Variants in MDM1 observed in about 807,000 individuals in gnomAD.
MDM1 encodes Mdm1 nuclear protein.
Under a neutral mutation model 89.1 loss-of-function variants are expected in MDM1, and 61 were observed. The observed-to-expected ratio is 0.68, with a 90% CI of 0.56 to 0.85. The LOEUF (loss-of-function observed/expected upper bound fraction) is 0.85, where lower values mean the gene tolerates loss of function less well. Ranked by LOEUF, MDM1 falls within the 40% of genes least tolerant of loss-of-function variation. MDM1 has a pLI of 0.00. For synonymous variants in MDM1, 290 were observed against 294.1 expected, an observed-to-expected ratio of 0.99 and a Z score of 0.14; for missense variants, 820 against 846.5, an observed-to-expected ratio of 0.97 and a Z score of 0.39.
intron 12 of MDM1, among the ~76,000 whole-genome samples, chr12:68,307,035 C>T (rs1872991085): frequency 1.3e-5 from 2 of 152,132 alleles, no homozygotes; most frequent in African/African-American, 4.8e-5. Context: ...AAATCATGTC[C>T]ACTGCAACAA....
chr12:68,295,409 A>G, intron 14 of MDM1, 43 bp from the exon 15 acceptor site: 1 of 1,174,684 alleles, frequency 8.5e-7, no homozygotes, highest in Non-Finnish European at 1.3e-6. Context: ...TGCCAAAAAT[A>G]TCTATTAAAT....
chr12:68,305,761 A>C (rs1872779395), intron 12 of MDM1, among the ~76,000 whole-genome samples: 1 of 152,144 alleles, frequency 6.6e-6, no homozygotes, highest in Non-Finnish European at 1.5e-5. Flanking sequence ...ACATAAACAA[A>C]TGGAAAAGCA....
chr12:68,296,591 G>A (rs1016250472), intron 14 of MDM1, among the ~76,000 whole-genome samples: 19 of 152,178 alleles, frequency 1.2e-4, no homozygotes, highest in African/African-American at 4.3e-4. Flanking sequence ...AAAATATATA[G>A]GCATTTTTTT....
At position 68,327,078 on chromosome 12, in the gene MDM1, A is replaced by T. The variant is rs1200960734; in HGVS notation, c.134-57T>A. The T allele has an allele frequency of 4.0e-6, 6 of 1,512,220 alleles. No individual in the cohort carries two copies. In the East Asian group the frequency reaches 1.4e-4, roughly 34 times the overall value. The allele number at this position is 1,512,220 out of a possible 1,614,324, so 93.7% of individuals were successfully genotyped here. A position where few individuals can be genotyped will look rare whatever the true frequency, so the allele number is the denominator to read the frequency against. On this transcript the variant is annotated intron_variant, in intron 2 of 14. Transcript: ENST00000682720. The stretch of plus-strand genomic sequence containing the variant: ...ACTAAAGCAAAAAGTTACAAAGACA[A>T]CTTTTAAGAACACTTGTGGAGGAGA...
intron 10 of MDM1, among the ~76,000 whole-genome samples, chr12:68,314,229 T>C (rs1430176832): frequency 6.6e-6 from 1 of 151,384 alleles, no homozygotes; most frequent in East Asian, 1.9e-4. Context: ...CGACTGAAAT[T>C]TCCAATAATG....
chr12:68,302,987 A>ACAAG, intron 12 of MDM1, 115 bp from the exon 13 acceptor site: 3 of 867,518 alleles, frequency 3.5e-6, no homozygotes, highest in Non-Finnish European at 3.3e-6. Flanking sequence ...GAAATATGAG[A>ACAAG]GAATTTATGC....
Position 68,321,642 on chromosome 12 carries a change from C to A in MDM1, c.802-14G>T, listed in dbSNP as rs1875249515. ...TATTTTATTACTCTGAAATGGAAATCATTTAAGCTTTTTATGCTTAAGATG... is the reference window on the plus strand; with the variant it reads ...TATTTTATTACTCTGAAATGGAAATAATTTAAGCTTTTTATGCTTAAGATG... On this transcript the variant is annotated splice_polypyrimidine_tract_variant and intron_variant, in intron 5 of 14. Transcript: ENST00000682720. 6.4e-7 allele frequency: 1 copy of A among 1,554,336 alleles called. No individual in the cohort carries two copies.
chr12:68,325,462 A>G lies in MDM1; in HGVS notation c.612T>C (p.Ala204=). 1 of 1,584,576 alleles carries G rather than the reference A, an allele frequency of 6.3e-7. No homozygotes were observed. The highest frequency in any genetic ancestry group is 8.6e-7 in the Non-Finnish European group (1 of 1,167,550). Residue 204 remains alanine (A), a synonymous_variant, in exon 4 of 15, where the codon GCT becomes GCC. Transcript: ENST00000682720. The stretch of plus-strand genomic sequence containing the variant: ...CTACCTGATTGGCTGCAAAAGCTGG[A>G]GCAGTTTCTTTAGAAGTCTTCCAAA... ...QFVWKTSKET[A]PAFAANQVFH... is the part of the protein sequence containing the mutation.
chr12:68,318,774 T>C (rs1377422836), intron 7 of MDM1, among the ~76,000 whole-genome samples: 6 of 152,210 alleles, frequency 3.9e-5, no homozygotes, highest in Admixed American at 2.6e-4. Context: ...AGTAATGTTA[T>C]CATATTATAT....
rs770645267 is a variant in MDM1 at position 68,314,971 on chromosome 12, A to G, written c.1506T>C (p.Ser502=). The change falls in exon 10 of 15, where the codon TCT becomes TCC. Residue 502 remains serine (S), a synonymous_variant. Coordinates refer to ENST00000682720, the MANE Select transcript of MDM1 (RefSeq NM_001354969.2). ...EQEKLDVREK[S]KADKMKEGSD... ...ACCCTTCTTTCATCTTATCTGCCTTAGATTTCTCACGTACATCCAACTTCT... is the reference window on the plus strand; with the variant it reads ...ACCCTTCTTTCATCTTATCTGCCTTGGATTTCTCACGTACATCCAACTTCT... 3 of 1,613,990 alleles carry G rather than the reference A, an allele frequency of 1.9e-6. No individual in the cohort carries two copies. The Admixed American group carries it at 5.0e-5, about 27-fold the overall frequency.
In MDM1 at chr12:68,325,538, A is replaced by G; in HGVS notation, c.536T>C (p.Val179Ala). Residue 179 changes from valine to alanine, a missense_variant, in exon 4 of 15, where the codon GTT becomes GCT. Physicochemically the swap from Val to Ala is moderately conservative, Grantham distance 64 (BLOSUM62 0). Coordinates refer to ENST00000682720, the MANE Select transcript of MDM1 (RefSeq NM_001354969.2). ...TCTCAAGGCATTATATGAAGGAACAACAGTCAATCCAGCTTTCTTACGCAG... is the reference window on the plus strand; with the variant it reads ...TCTCAAGGCATTATATGAAGGAACAGCAGTCAATCCAGCTTTCTTACGCAG... Reference protein sequence around the residue: ...RLLRKKAGLTVVPSYNALRNS... With the variant: ...RLLRKKAGLTAVPSYNALRNS... 6.3e-7 allele frequency: 1 copy of G among 1,593,712 alleles called. No homozygotes were observed. Among genetic ancestry groups the G allele is most frequent in the Non-Finnish European group, 8.5e-7 (1 of 1,170,778 alleles).
chr12:68,327,325 G>A lies in MDM1; in HGVS notation c.134-304C>T, dbSNP rs537084332. On this transcript the variant is annotated intron_variant, in intron 2 of 14. Coordinates refer to ENST00000682720, the MANE Select transcript of MDM1 (RefSeq NM_001354969.2). ...CTAGAATTGCAACGTGATAGACCTG[G>A]CAGGCCAGGCAGTACATGCTGCCTC... 478 of 1,471,754 alleles carry A rather than the reference G, an allele frequency of 3.2e-4. 8 individuals are homozygous for A. In the South Asian group the frequency reaches 3.3e-3, roughly 10 times the overall value. 91.2% of individuals were successfully genotyped at this position (1,471,754 alleles called of 1,614,324 possible). A position where few individuals can be genotyped will look rare whatever the true frequency, so the allele number is the denominator to read the frequency against.
intron 12 of MDM1, among the ~76,000 whole-genome samples, chr12:68,310,795 A>C (rs1265679486): frequency 6.6e-6 from 1 of 152,212 alleles, no homozygotes; most frequent in Non-Finnish European, 1.5e-5. Flanking sequence ...TTGTACTCAA[A>C]TTCACAAACA....
At chr12:68,313,832 G>C (rs971316484) in intron 10 of MDM1, 79 bp from the exon 11 acceptor site, 75 of 1,265,492 alleles carry the variant, frequency 5.9e-5, no homozygotes, top group Non-Finnish European at 7.7e-5. Flanking sequence ...CCATCATTGT[G>C]CAATAATAAA....
In MDM1 at chr12:68,315,214, T is replaced by C. The variant is rs2120988478; in HGVS notation, c.1263A>G (p.Glu421=). ...GTTCTTCCACGATATTTCCTTTTTC[T>C]TCTGGTTCTGTAGAAGGACATTTCT... ...TLQKCPSTEP[E]EKGNIVEEQP... is the part of the protein sequence containing the mutation. The change falls in exon 10 of 15, where the codon GAA becomes GAG. Residue 421 remains glutamate (E), a synonymous_variant. Transcript: ENST00000682720. 6.2e-7 allele frequency: 1 copy of C among 1,614,232 alleles called. No homozygotes were observed. The highest frequency in any genetic ancestry group is 1.1e-5 in the South Asian group (1 of 91,082).
At chr12:68,326,529 C>T in intron 3 of MDM1, 128 bp downstream of exon 3, 1 of 1,595,488 alleles carries the variant, frequency 6.3e-7, no homozygotes, top group East Asian at 2.3e-5. Flanking sequence ...ATCAACTATT[C>T]TTATAGACAT....
chr12:68,309,477 A>G (rs1873389495), intron 12 of MDM1, among the ~76,000 whole-genome samples: 1 of 152,210 alleles, frequency 6.6e-6, no homozygotes, highest in Non-Finnish European at 1.5e-5. Flanking sequence ...TGGTGTGATT[A>G]ACATGTATCT....
chr12:68,302,736 G>C lies in MDM1; in HGVS notation c.1886C>G (p.Pro629Arg). Residue 629 changes from proline (P) to arginine (R), a missense_variant, in exon 13 of 15, where the codon CCA becomes CGA. Physicochemically the swap from Pro to Arg is moderately radical, Grantham distance 103. Transcript: ENST00000682720. ...AEATLPVSKI[P>R]KYPTNPPGQL... Reference sequence around the variant, plus strand: ...TCCAGGGGGATTTGTTGGGTATTTTGGAATTTTTGAAACTGGAAGAGTTGC... The same window carrying C: ...TCCAGGGGGATTTGTTGGGTATTTTCGAATTTTTGAAACTGGAAGAGTTGC... 6.2e-7 allele frequency: 1 copy of C among 1,614,062 alleles called. No homozygotes were observed. Among genetic ancestry groups the C allele is most frequent in the Non-Finnish European group, 8.5e-7 (1 of 1,180,014 alleles).
At chr12:68,297,950 T>G (rs1189026924) in intron 13 of MDM1, among the ~76,000 whole-genome samples, 1 of 152,196 alleles carries the variant, frequency 6.6e-6, no homozygotes, top group East Asian at 1.9e-4. Context: ...AGCCCCTGCC[T>G]GGCTGTGCCC....
Sources: allele counts gnomAD v4.1 joint callset (sites outside exome capture counted in the v4.1 genomes callset), GRCh38; gene constraint gnomAD v4.1.1; transcripts MANE v1.5; gene names NCBI Gene and HGNC (gene_info 2026-07-23, HGNC 2026-07-21).